The following CNTN5 variants were observed in gnomAD, a reference collection of about 807,000 sequenced individuals.
CNTN5 encodes contactin 5.
Under a neutral mutation model 129.1 loss-of-function variants are expected in CNTN5, and 77 were observed. That is an observed-to-expected ratio of 0.60 (90% CI 0.50 to 0.72). The LOEUF (loss-of-function observed/expected upper bound fraction) is 0.72, where lower values mean the gene tolerates loss of function less well. CNTN5 is among the 30% of genes least tolerant of loss of function. The probability of loss-of-function intolerance (pLI) is 0.00; values close to 1 mark genes in which losing one functional copy is unlikely to be tolerated. For synonymous variants in CNTN5, 509 were observed against 465.6 expected (o/e 1.09, Z -1.20); for missense variants, 1,478 against 1,328.8 (o/e 1.11, Z -1.75).
intron 8 of CNTN5, among the ~76,000 whole-genome samples, chr11:99,961,144 G>T (rs1950931699): frequency 6.8e-6 from 1 of 146,214 alleles, no homozygotes; most frequent in South Asian, 2.3e-4. Flanking sequence ...GGCGGATGCT[G>T]CAGTGAGCCA....
rs575579361 is a variant in CNTN5 at position 99,344,340 on chromosome 11, T to G, written c.-71+18856T>G. ...TTAACTGAAAAGAATAGGAAAAAAA[T>G]TGATCCTCACTTTCTTTCAGGTTTT... is the stretch of plus-strand genomic sequence containing the variant. On this transcript the variant is annotated intron_variant, in intron 2 of 24. Coordinates refer to ENST00000524871, the MANE Select transcript of CNTN5 (RefSeq NM_014361.4). Among the ~76,000 whole-genome samples the G allele has an allele frequency of 9.5e-4, 144 of 151,532 alleles. 1 individual carries two copies. The highest frequency in any genetic ancestry group is 3.3e-3 in the African/African-American group (139 of 41,540).
intron 17 of CNTN5, among the ~76,000 whole-genome samples, 170 bp downstream of exon 17, chr11:100,256,088 A>G (rs1950064051): frequency 1.3e-5 from 2 of 152,190 alleles, no homozygotes; most frequent in African/African-American, 2.4e-5. Context: ...AGAGCAAGGT[A>G]CCTTGCTTTC....
At chr11:99,280,284 T>A (rs949165177) in intron 1 of CNTN5, among the ~76,000 whole-genome samples, 2 of 151,698 alleles carry the variant, frequency 1.3e-5, no homozygotes, top group African/African-American at 4.8e-5. Context: ...TTAACACATA[T>A]GAAATAAATC....
intron 3 of CNTN5, among the ~76,000 whole-genome samples, chr11:99,714,498 T>C (rs1048368546): frequency 6.6e-6 from 1 of 151,974 alleles, no homozygotes; most frequent in African/African-American, 2.4e-5. Context: ...ACTTATTTTT[T>C]GGATAAGAGA....
intron 13 of CNTN5, among the ~76,000 whole-genome samples, chr11:100,131,140 A>G (rs1324956083): frequency 6.6e-6 from 1 of 152,048 alleles, no homozygotes; most frequent in Non-Finnish European, 1.5e-5. Context: ...ACCGTTTAAG[A>G]GGTTTTCCCT....
At chr11:99,377,677 G>T (rs1353888218) in intron 2 of CNTN5, among the ~76,000 whole-genome samples, 1 of 152,066 alleles carries the variant, frequency 6.6e-6, no homozygotes, top group East Asian at 1.9e-4. Flanking sequence ...CTACTTGGCA[G>T]TAATAACTGT....
chr11:100,177,594 A>C (rs987362558), intron 13 of CNTN5, among the ~76,000 whole-genome samples: 1 of 152,064 alleles, frequency 6.6e-6, no homozygotes, highest in Non-Finnish European at 1.5e-5. Flanking sequence ...CCCATTTTCA[A>C]GTCTGTGCTT....
intron 7 of CNTN5, among the ~76,000 whole-genome samples, chr11:99,952,456 A>G (rs1950699184): frequency 6.6e-6 from 1 of 152,232 alleles, no homozygotes; most frequent in South Asian, 2.1e-4. Flanking sequence ...AAGCAGCATC[A>G]GTAAAAATTA....
chr11:100,171,906 A>C (rs1184201499), intron 13 of CNTN5, among the ~76,000 whole-genome samples: 1 of 152,076 alleles, frequency 6.6e-6, no homozygotes, highest in Non-Finnish European at 1.5e-5. Flanking sequence ...GTTTATATCT[A>C]GCTATAAATA....
rs578168873 is a variant in CNTN5 at position 99,740,389 on chromosome 11, T to A, written c.56-79155T>A. On this transcript the variant is annotated intron_variant, in intron 3 of 24. Coordinates refer to ENST00000524871, the MANE Select transcript of CNTN5 (RefSeq NM_014361.4). ...GCATGGTAAATAAAAGGAGAACTTG[T>A]TTGTTAAGAATGAGGCATTATCATA... Among the ~76,000 whole-genome samples, 62 of 152,280 alleles carry A rather than the reference T, an allele frequency of 4.1e-4. 1 individual carries two copies. The highest frequency in any genetic ancestry group is 1.3e-3 in the African/African-American group (56 of 41,568).
intron 3 of CNTN5, among the ~76,000 whole-genome samples, chr11:99,679,524 A>G (rs1258933633): frequency 1.3e-5 from 2 of 152,032 alleles, no homozygotes; most frequent in Non-Finnish European, 2.9e-5. Flanking sequence ...AATTTTTTTG[A>G]GTTGCCACAG....
chr11:99,233,219 CAGAT>C (rs1861093183), intron 1 of CNTN5, among the ~76,000 whole-genome samples: 1 of 152,156 alleles, frequency 6.6e-6, no homozygotes, highest in South Asian at 2.1e-4. Context: ...TTCTCAAACC[CAGAT>C]AAATATGCCA....
intron 18 of CNTN5, among the ~76,000 whole-genome samples, chr11:100,290,238 C>T (rs968053645): frequency 4.0e-5 from 6 of 151,754 alleles, no homozygotes; most frequent in African/African-American, 1.5e-4. Flanking sequence ...CCTTTCTTCA[C>T]AGAATTGGAA....
At chr11:100,139,549 C>T (rs1946626490) in intron 13 of CNTN5, among the ~76,000 whole-genome samples, 1 of 151,996 alleles carries the variant, frequency 6.6e-6, no homozygotes, top group Non-Finnish European at 1.5e-5. Flanking sequence ...ACAAAAGTCT[C>T]ATTAGGGCAG....
At chr11:99,848,608 A>T (rs1392752241) in intron 6 of CNTN5, among the ~76,000 whole-genome samples, 1 of 152,168 alleles carries the variant, frequency 6.6e-6, no homozygotes, top group Non-Finnish European at 1.5e-5. Context: ...ATGATTGCAA[A>T]ACTTTTCACT....
rs138764947 is a variant in CNTN5 at position 100,238,719 on chromosome 11, T to C, written c.2005+13907T>C. 1.2e-3 allele frequency among the ~76,000 whole-genome samples: 178 copies of C among 152,294 alleles called. 2 individuals are homozygous for C. In the East Asian group the frequency reaches 0.023, roughly 20 times the overall value. On this transcript the variant is annotated intron_variant, in intron 16 of 24. Coordinates refer to ENST00000524871, the MANE Select transcript of CNTN5 (RefSeq NM_014361.4). ...TTGATATTCTCAAATCTAGGAAGAA[T>C]TTCCATGTCCCTTATCTTTAAGATT...
chr11:99,626,169 AG>A (rs1488302812), intron 3 of CNTN5, among the ~76,000 whole-genome samples: 1 of 151,984 alleles, frequency 6.6e-6, no homozygotes, highest in East Asian at 1.9e-4. Flanking sequence ...ACATGCACAG[AG>A]GGTGACATTG....
At chr11:99,341,113 A>T (rs997642664) in intron 2 of CNTN5, among the ~76,000 whole-genome samples, 1 of 152,300 alleles carries the variant, frequency 6.6e-6, no homozygotes, top group Admixed American at 6.5e-5. Context: ...GCCTAACAAG[A>T]GATGAAACAA....
intron 1 of CNTN5, among the ~76,000 whole-genome samples, chr11:99,151,365 A>G (rs576229179): frequency 6.6e-6 from 1 of 152,172 alleles, no homozygotes; most frequent in Non-Finnish European, 1.5e-5. Flanking sequence ...AAATCATGTT[A>G]TACTCAGACA....
Sources: gnomAD v4.1 joint callset for allele counts (sites outside exome capture counted in the v4.1 genomes callset) on GRCh38, gnomAD v4.1.1 for gene constraint, MANE v1.5 for transcripts, NCBI Gene and HGNC (gene_info 2026-07-23, HGNC 2026-07-21) for gene names.